Variants in CIMIP6 observed in about 807,000 individuals in gnomAD.
CIMIP6 encodes the protein ciliary microtubule inner protein 6.
the CIMIP6 span, among the ~76,000 whole-genome samples, chr2:54,377,428 A>G: frequency 1.3e-5 from 2 of 152,018 alleles, no homozygotes; most frequent in Admixed American, 1.3e-4. Flanking sequence ...TTTTTAACAT[A>G]ATTTTATTTA....
At chr2:54,331,213 A>G in the CIMIP6 span, among the ~76,000 whole-genome samples, 1 of 152,154 alleles carries the variant, frequency 6.6e-6, no homozygotes, top group Non-Finnish European at 1.5e-5. Context: ...GACTTGCATT[A>G]CCGGATCTAA....
At chr2:54,382,974 C>T in the CIMIP6 span, 1 of 152,146 alleles carries the variant, frequency 6.6e-6, no homozygotes, top group African/African-American at 2.4e-5. Flanking sequence ...ATCATAAAAG[C>T]CATTAAGCTT....
At chr2:54,373,755 G>C in the CIMIP6 span, among the ~76,000 whole-genome samples, 1 of 152,190 alleles carries the variant, frequency 6.6e-6, no homozygotes, top group East Asian at 1.9e-4. Flanking sequence ...GGAGGCTTGA[G>C]TAATGGCCAA....
chr2:54,382,963 G>C, the CIMIP6 span: 2 of 152,112 alleles, frequency 1.3e-5, no homozygotes, highest in Admixed American at 6.5e-5. Context: ...TCTGAGACTA[G>C]ATCATAAAAG....
At chr2:54,377,914 C>A in the CIMIP6 span, among the ~76,000 whole-genome samples, 1 of 152,160 alleles carries the variant, frequency 6.6e-6, no homozygotes, top group African/African-American at 2.4e-5. Context: ...GTAGCGAATA[C>A]ACTTAAAAAT....
chr2:54,360,592 C>T, the CIMIP6 span: 1 of 1,449,788 alleles, frequency 6.9e-7, no homozygotes, highest in Non-Finnish European at 9.1e-7. Context: ...AATCTAATCC[C>T]TGGAATATAG....
the CIMIP6 span, among the ~76,000 whole-genome samples, chr2:54,372,634 A>G: frequency 6.6e-6 from 1 of 152,306 alleles, no homozygotes; most frequent in Non-Finnish European, 1.5e-5. Context: ...CAGTCTTGGC[A>G]GAGTCCAGCC....
At chr2:54,360,385 G>A in the CIMIP6 span, 1 of 1,608,804 alleles carries the variant, frequency 6.2e-7, no homozygotes, top group Non-Finnish European at 8.5e-7. Context: ...AAAATTCTCA[G>A]GAGCTGTTAG....
chr2:54,380,958 G>T, the CIMIP6 span, among the ~76,000 whole-genome samples: 1 of 152,072 alleles, frequency 6.6e-6, no homozygotes. Flanking sequence ...AAACGCCTTG[G>T]GTGCCTTTTA....
chr2:54,376,178 T>A, the CIMIP6 span, among the ~76,000 whole-genome samples: 2 of 151,342 alleles, frequency 1.3e-5, no homozygotes, highest in Non-Finnish European at 2.9e-5. Flanking sequence ...TGGGACCACA[T>A]GTGCATGCCA....
the CIMIP6 span, chr2:54,361,056 A>G: frequency 4.6e-5 from 7 of 152,428 alleles, no homozygotes; most frequent in African/African-American, 1.7e-4. Flanking sequence ...TAAGTGGTCA[A>G]TGTAATCATA....
At chr2:54,368,050 G>T in the CIMIP6 span, among the ~76,000 whole-genome samples, 2 of 152,060 alleles carry the variant, frequency 1.3e-5, no homozygotes, top group Non-Finnish European at 2.9e-5. Context: ...ACAATCATAA[G>T]CAAAAAGAGT....
the CIMIP6 span, among the ~76,000 whole-genome samples, chr2:54,371,406 C>T: frequency 0.017 from 2,564 of 152,286 alleles, 83 homozygotes; most frequent in African/African-American, 0.059. Context: ...TCCACATTCA[C>T]CCACAGTCAT....
chr2:54,351,853 C>T, the CIMIP6 span, among the ~76,000 whole-genome samples: 1 of 152,218 alleles, frequency 6.6e-6, no homozygotes, highest in Admixed American at 6.5e-5. Context: ...AAAGCTTTGA[C>T]AATCAAAACA....
At chr2:54,357,787 A>G in the CIMIP6 span, among the ~76,000 whole-genome samples, 2 of 149,042 alleles carry the variant, frequency 1.3e-5, no homozygotes, top group African/African-American at 2.5e-5. Flanking sequence ...GGTTTTCACC[A>G]TGTTGGCCAG....
At chr2:54,342,773 G>A in the CIMIP6 span, among the ~76,000 whole-genome samples, 2 of 152,092 alleles carry the variant, frequency 1.3e-5, no homozygotes, top group African/African-American at 4.8e-5. Context: ...AGGCAGACTT[G>A]CTTCCTTATA....
chr2:54,373,721 C>A, the CIMIP6 span, among the ~76,000 whole-genome samples: 1 of 152,168 alleles, frequency 6.6e-6, no homozygotes, highest in African/African-American at 2.4e-5. Flanking sequence ...CATCAGTGAC[C>A]TCCACCTATG....
At chr2:54,371,602 A>T in the CIMIP6 span, among the ~76,000 whole-genome samples, 1 of 152,222 alleles carries the variant, frequency 6.6e-6, no homozygotes, top group Non-Finnish European at 1.5e-5. Context: ...TGCAGGCATC[A>T]CACCTGCTGT....
chr2:54,363,764 G>A, the CIMIP6 span, among the ~76,000 whole-genome samples: 4 of 152,134 alleles, frequency 2.6e-5, no homozygotes, highest in Non-Finnish European at 1.5e-5. Flanking sequence ...GTGGCTGTGT[G>A]TGATCAGTCC....
Sources: gnomAD v4.1 joint callset for allele counts (sites outside exome capture counted in the v4.1 genomes callset) on GRCh38, gnomAD v4.1.1 for gene constraint, MANE v1.5 for transcripts, NCBI Gene and HGNC (gene_info 2026-07-23, HGNC 2026-07-21) for gene names.